PCMTD1: variants seen among roughly 807,000 people sequenced by gnomAD.
The protein encoded by PCMTD1 is protein-L-isoaspartate (D-aspartate) O-methyltransferase domain containing 1.
In PCMTD1, 12 loss-of-function variants were observed where a neutral mutation model predicts 37.6. That is an observed-to-expected ratio of 0.32 (90% CI 0.20 to 0.52). The LOEUF (loss-of-function observed/expected upper bound fraction) is 0.52, where lower values mean the gene tolerates loss of function less well. Among genes scored for constraint, PCMTD1 ranks in the 20% least tolerant of loss-of-function variants. The probability of loss-of-function intolerance (pLI) is 0.97; values close to 1 mark genes in which losing one functional copy is unlikely to be tolerated. For synonymous variants in PCMTD1, 117 were observed against 135.8 expected (o/e 0.86, Z 0.96); for missense variants, 235 against 421.3 (o/e 0.56, Z 3.87).
chr8:51,896,103 G>A, intron 1 of PCMTD1: 1 of 151,818 alleles, frequency 6.6e-6, no homozygotes, highest in Non-Finnish European at 1.5e-5. Context: ...CCACCACCAA[G>A]CTCGGCTAAT....
At position 51,860,950 on chromosome 8, in the gene PCMTD1, T is replaced by C; in HGVS notation, c.202A>G (p.Ile68Val). The C allele has an allele frequency of 6.2e-7, 1 of 1,614,150 alleles. No homozygotes were observed. The highest frequency in any genetic ancestry group is 8.5e-7 in the Non-Finnish European group (1 of 1,180,008). The change falls in exon 2 of 6, where the codon ATT becomes GTT. Residue 68 changes from isoleucine (I) to valine (V), a missense_variant. This residue lies in a region of PCMTD1 where 183 missense variants were observed against 349.3 expected (regional missense o/e 0.52). Coordinates refer to ENST00000522514, the MANE Select transcript of PCMTD1 (RefSeq NM_052937.4). ...HGNIHLSAPCIYSEVMEALKL... is the reference protein window; with the variant it reads ...HGNIHLSAPCVYSEVMEALKL... ...AATGCTTCCATAACTTCAGAATAAA[T>C]GCAAGGTGCTGACAAGTGGATGTTT...
At chr8:51,869,654 G>A (rs188744881) in intron 1 of PCMTD1, among the ~76,000 whole-genome samples, 360 of 151,920 alleles carry the variant, frequency 2.4e-3, no homozygotes, top group Non-Finnish European at 3.8e-3. Flanking sequence ...GTCCTGCACT[G>A]AACAATAAAA....
chr8:51,870,859 G>A (rs1284270685), intron 1 of PCMTD1, among the ~76,000 whole-genome samples: 1 of 152,112 alleles, frequency 6.6e-6, no homozygotes, highest in Non-Finnish European at 1.5e-5. Flanking sequence ...AGCTTCAAAG[G>A]AAGAATGAAG....
chr8:51,858,244 C>A (rs753975237), intron 2 of PCMTD1, among the ~76,000 whole-genome samples: 16 of 152,104 alleles, frequency 1.1e-4, no homozygotes, highest in Non-Finnish European at 1.5e-4. Context: ...ACAGATACCC[C>A]GCTCTCCCTG....
chr8:51,867,110 G>A (rs374106265), intron 1 of PCMTD1, among the ~76,000 whole-genome samples: 3 of 151,932 alleles, frequency 2.0e-5, no homozygotes, highest in Admixed American at 1.3e-4. Context: ...AATGGTCATC[G>A]CAGAAATGCA....
intron 2 of PCMTD1, chr8:51,849,352 T>G (rs2038270912): frequency 6.6e-6 from 1 of 152,144 alleles, no homozygotes; most frequent in Non-Finnish European, 1.5e-5. Context: ...CAAAAGATGA[T>G]GATATTAACA....
chr8:51,851,539 A>C (rs1354727051), intron 2 of PCMTD1, among the ~76,000 whole-genome samples: 1 of 152,246 alleles, frequency 6.6e-6, no homozygotes, highest in African/African-American at 2.4e-5. Flanking sequence ...GCGCAATAGA[A>C]TATTAAAATA....
chr8:51,843,598 C>CA (rs55719945), intron 3 of PCMTD1, among the ~76,000 whole-genome samples: 74,701 of 146,416 alleles, frequency 0.51, 22,650 homozygotes, highest in Non-Finnish European at 0.67. Context: ...TTTACAATAA[C>CA]AAAAAAAAAA....
At chr8:51,896,704 A>G (rs960872334) in intron 1 of PCMTD1, among the ~76,000 whole-genome samples, 13 of 152,230 alleles carry the variant, frequency 8.5e-5, no homozygotes, top group African/African-American at 3.1e-4. Context: ...TTCACACTAT[A>G]TTCTCTAGAC....
chr8:51,867,429 T>C (rs2038570823), intron 1 of PCMTD1, among the ~76,000 whole-genome samples: 2 of 151,724 alleles, frequency 1.3e-5, no homozygotes, highest in South Asian at 4.2e-4. Flanking sequence ...AGCCAAGATA[T>C]GTAAGCAAGC....
chr8:51,821,839 G>A (rs4873609), intron 5 of PCMTD1, among the ~76,000 whole-genome samples: 20,689 of 151,688 alleles, frequency 0.14, 2,552 homozygotes, highest in African/African-American at 0.32. Context: ...GGGTTCAAGC[G>A]ATTCTCCTGC....
intron 1 of PCMTD1, among the ~76,000 whole-genome samples, chr8:51,863,509 G>A (rs1384941773): frequency 1.3e-5 from 2 of 152,240 alleles, no homozygotes; most frequent in Non-Finnish European, 2.9e-5. Context: ...CAGGCCAGGT[G>A]CAGTGGCTCA....
intron 5 of PCMTD1, among the ~76,000 whole-genome samples, chr8:51,824,380 C>A (rs1375340850): frequency 6.6e-6 from 1 of 152,196 alleles, no homozygotes; most frequent in African/African-American, 2.4e-5. Flanking sequence ...GCAAAAATCA[C>A]TAGCATTCCT....
At chr8:51,826,047 A>G (rs1049723231) in intron 5 of PCMTD1, among the ~76,000 whole-genome samples, 1 of 152,230 alleles carries the variant, frequency 6.6e-6, no homozygotes, top group Non-Finnish European at 1.5e-5. Context: ...TCATTCTACT[A>G]TAAAGACACA....
chr8:51,880,037 T>A (rs377010384), intron 1 of PCMTD1, among the ~76,000 whole-genome samples: 17 of 146,640 alleles, frequency 1.2e-4, no homozygotes, highest in Middle Eastern at 3.4e-3. Flanking sequence ...AAAAAAAGTT[T>A]AAAAAAAAAA....
chr8:51,861,831 G>A (rs1161718474), intron 1 of PCMTD1, among the ~76,000 whole-genome samples: 5 of 151,574 alleles, frequency 3.3e-5, no homozygotes. Flanking sequence ...TCCCACCTCA[G>A]CCTCCCAAGC....
intron 4 of PCMTD1, among the ~76,000 whole-genome samples, chr8:51,832,530 C>G (rs2129276146): frequency 6.6e-6 from 1 of 152,294 alleles, no homozygotes; most frequent in East Asian, 1.9e-4. Context: ...GATACTCTAC[C>G]TCTACTATAC....
intron 5 of PCMTD1, among the ~76,000 whole-genome samples, chr8:51,824,985 A>T (rs897630576): frequency 6.6e-6 from 1 of 152,240 alleles, no homozygotes; most frequent in East Asian, 1.9e-4. Context: ...AAAACTGGCT[A>T]GCCATATGCA....
At chr8:51,895,097 G>A (rs913694175) in intron 1 of PCMTD1, among the ~76,000 whole-genome samples, 34 of 152,168 alleles carry the variant, frequency 2.2e-4, no homozygotes, top group African/African-American at 6.8e-4. Flanking sequence ...ACGGATCTGT[G>A]TGGGATTGCC....
Sources: gnomAD v4.1 joint callset for allele counts (sites outside exome capture counted in the v4.1 genomes callset) on GRCh38, gnomAD v4.1.1 for gene constraint, gnomAD v4.1.1 regional missense constraint, MANE v1.5 for transcripts, NCBI Gene and HGNC (gene_info 2026-07-23, HGNC 2026-07-21) for gene names.